The following DCUN1D4 variants were observed in gnomAD, a reference collection of about 807,000 sequenced individuals.
The protein encoded by DCUN1D4 is DCN1-like protein 4.
A neutral mutation model predicts 47.9 loss-of-function variants in DCUN1D4; 22 were observed. The ratio of observed to expected loss-of-function variants is 0.46; its 90% CI spans 0.33 to 0.66. The LOEUF (loss-of-function observed/expected upper bound fraction) is 0.66. DCUN1D4 is among the 30% of genes least tolerant of loss of function. The pLI is 0.02. For missense variants in DCUN1D4, 301 were observed against 340.8 expected (o/e 0.88, Z 0.92); for synonymous variants, 121 against 112.2 (o/e 1.08, Z -0.50).
At chr4:51,834,103 C>T in the DCUN1D4 span, among the ~76,000 whole-genome samples, 512 of 42,068 alleles carry the variant, frequency 0.012, 5 homozygotes, top group African/African-American at 0.016. Flanking sequence ...TTTCTTCTTT[C>T]TTTTTTTTTT....
upstream of DCUN1D4, among the ~76,000 whole-genome samples, chr4:51,838,626 A>G (rs1188631138): frequency 1.3e-5 from 2 of 151,932 alleles, no homozygotes; most frequent in Admixed American, 1.3e-4. Context: ...CAAGTGATCC[A>G]CCCACCTCAG....
chr4:51,886,940 G>T, intron 6 of DCUN1D4: 1 of 419,814 alleles, frequency 2.4e-6, no homozygotes, highest in East Asian at 5.4e-5. Flanking sequence ...TCAACTGGAG[G>T]CCACATTGTA....
chr4:51,852,866 C>T (rs1376678882), intron 1 of DCUN1D4, among the ~76,000 whole-genome samples: 1 of 152,204 alleles, frequency 6.6e-6, no homozygotes, highest in Non-Finnish European at 1.5e-5. Context: ...AGCTCTGACT[C>T]CAACCCAGGG....
intron 9 of DCUN1D4, 45 bp from the exon 10 acceptor site, chr4:51,913,245 T>C: frequency 8.1e-7 from 1 of 1,232,972 alleles, no homozygotes; most frequent in Non-Finnish European, 1.2e-6. Flanking sequence ...GTCCCATTTG[T>C]TCATTTTAAG....
chr4:51,862,711 C>T (rs1725262108), intron 1 of DCUN1D4, among the ~76,000 whole-genome samples: 3 of 152,026 alleles, frequency 2.0e-5, no homozygotes, highest in Non-Finnish European at 4.4e-5. Context: ...TGCAAACATA[C>T]TTTACTTCAA....
At position 51,866,908 on chromosome 4, in the gene DCUN1D4, G is replaced by T. The variant is rs1339157147; in HGVS notation, c.136+3199G>T. 2.6e-5 allele frequency among the ~76,000 whole-genome samples: 4 copies of T among 152,192 alleles called. No homozygotes were observed. In the East Asian group the frequency reaches 7.7e-4, roughly 29 times the overall value. Reference sequence around the variant, plus strand: ...GGCACCTTCTGCCTGAGTATTGCCTGTGTCTGCTGGGCTCCTTCCACCCAC... The same window carrying T: ...GGCACCTTCTGCCTGAGTATTGCCTTTGTCTGCTGGGCTCCTTCCACCCAC... On this transcript the variant is annotated intron_variant, in intron 3 of 10. Coordinates refer to ENST00000334635, the MANE Select transcript of DCUN1D4 (RefSeq NM_001040402.3).
chr4:51,891,625 T>C, intron 6 of DCUN1D4, 135 bp from the exon 7 acceptor site: 3 of 649,430 alleles, frequency 4.6e-6, no homozygotes, highest in Non-Finnish European at 7.6e-6. Context: ...TTAACTCTGC[T>C]CATATTTCAG....
chr4:51,869,637 G>T (rs928021089), intron 3 of DCUN1D4, among the ~76,000 whole-genome samples: 1 of 152,120 alleles, frequency 6.6e-6, no homozygotes, highest in Middle Eastern at 3.2e-3. Context: ...ACATACTTAG[G>T]CACTATTTGT....
upstream of DCUN1D4, among the ~76,000 whole-genome samples, chr4:51,838,196 C>A (rs574628763): frequency 6.6e-6 from 1 of 152,204 alleles, no homozygotes; most frequent in African/African-American, 2.4e-5. Flanking sequence ...TTCAGCAGAG[C>A]TTCATTAGAC....
intron 1 of DCUN1D4, chr4:51,843,550 T>C (rs1721933749): frequency 8.3e-7 from 1 of 1,198,472 alleles, no homozygotes; most frequent in Admixed American, 5.4e-5. Context: ...GGGCTGGACG[T>C]GCGATGAAGG....
chr4:51,839,605 T>C (rs1721581932), upstream of DCUN1D4, among the ~76,000 whole-genome samples: 1 of 152,376 alleles, frequency 6.6e-6, no homozygotes, highest in Admixed American at 6.5e-5. Flanking sequence ...GGGTTTATTT[T>C]CATTTCCAAA....
intron 7 of DCUN1D4, among the ~76,000 whole-genome samples, chr4:51,894,331 A>C (rs1730899507): frequency 6.6e-6 from 1 of 152,190 alleles, no homozygotes; most frequent in African/African-American, 2.4e-5. Context: ...GGTTCTTTGT[A>C]GTTCAAAAAT....
At chr4:51,878,162 C>G (rs1727981714) in intron 5 of DCUN1D4, among the ~76,000 whole-genome samples, 1 of 152,180 alleles carries the variant, frequency 6.6e-6, no homozygotes, top group Non-Finnish European at 1.5e-5. Flanking sequence ...TTGGTCAAAG[C>G]ACCTGTGTTA....
intron 1 of DCUN1D4, chr4:51,848,436 C>T: frequency 2.0e-6 from 2 of 989,044 alleles, no homozygotes; most frequent in Non-Finnish European, 2.4e-6. Context: ...ATATTCTGGT[C>T]CTAAGGATTT....
Position 51,914,435 on chromosome 4 carries a change from A to G in DCUN1D4, c.*851A>G, listed in dbSNP as rs917185628. ...TGCTTTCTTTGCCACTCTAAGTAAAATTTATTTCACCTCCTCAATGAAAAC... is the reference window on the plus strand; with the variant it reads ...TGCTTTCTTTGCCACTCTAAGTAAAGTTTATTTCACCTCCTCAATGAAAAC... On this transcript the variant is annotated 3_prime_UTR_variant, in exon 11 of 11. Coordinates refer to ENST00000334635, the MANE Select transcript of DCUN1D4 (RefSeq NM_001040402.3). 1 of 152,364 alleles carries G rather than the reference A, an allele frequency of 6.6e-6. No homozygotes were observed. The highest frequency in any genetic ancestry group is 1.5e-5 in the Non-Finnish European group (1 of 68,000). The allele number at this position is 152,364 out of a possible 1,614,324, so 9.4% of individuals were successfully genotyped here. A position where few individuals can be genotyped will look rare whatever the true frequency, so the allele number is the denominator to read the frequency against.
Position 51,886,733 on chromosome 4 carries a change from T to C in DCUN1D4, c.414+95T>C, listed in dbSNP as rs1054806367. The stretch of plus-strand genomic sequence containing the variant: ...AAATAAATAAATAATTAAAAAGTAG[T>C]GGTATGTTAGTTTTTATGAAGCAGT... On this transcript the variant is annotated intron_variant, in intron 6 of 10. Transcript: ENST00000334635. 4.7e-6 allele frequency: 5 copies of C among 1,055,182 alleles called. No individual in the cohort carries two copies. In the African/African-American group the frequency reaches 6.6e-5, roughly 14 times the overall value. 65.4% of individuals were successfully genotyped at this position (1,055,182 alleles called of 1,614,324 possible). A position where few individuals can be genotyped will look rare whatever the true frequency, so the allele number is the denominator to read the frequency against.
rs950101748 is a variant in DCUN1D4 at position 51,915,906 on chromosome 4, GC to G, written c.*2324del. 6.6e-6 allele frequency: 1 copy of G among 152,460 alleles called. No homozygotes were observed. The highest frequency in any genetic ancestry group is 2.4e-5 in the African/African-American group (1 of 41,426). The allele number at this position is 152,460 out of a possible 1,614,324, so 9.4% of individuals were successfully genotyped here. A position where few individuals can be genotyped will look rare whatever the true frequency, so the allele number is the denominator to read the frequency against. ...GAAAACTCCAAATAATCTTTAAACT[GC>G]CTTGAAAAATAAACCTCTTTGACTG... On this transcript the variant is annotated 3_prime_UTR_variant, in exon 11 of 11. Coordinates refer to ENST00000334635, the MANE Select transcript of DCUN1D4 (RefSeq NM_001040402.3).
chr4:51,884,171 C>G (rs1231403774), intron 5 of DCUN1D4, among the ~76,000 whole-genome samples: 4 of 151,998 alleles, frequency 2.6e-5, no homozygotes, highest in Non-Finnish European at 5.9e-5. Flanking sequence ...AAAGTATTTG[C>G]TTTGGCCAGA....
chr4:51,837,746 G>A, the DCUN1D4 span, among the ~76,000 whole-genome samples: 1 of 148,944 alleles, frequency 6.7e-6, no homozygotes, highest in Non-Finnish European at 1.5e-5. Flanking sequence ...ATCCAGGAGA[G>A]GCAAAAAAAA....
Sources: allele counts gnomAD v4.1 joint callset (sites outside exome capture counted in the v4.1 genomes callset), GRCh38; gene constraint gnomAD v4.1.1; transcripts MANE v1.5; gene names NCBI Gene and HGNC (gene_info 2026-07-23, HGNC 2026-07-21).